DHX32: variants seen among roughly 807,000 people sequenced by gnomAD.
The protein encoded by DHX32 is DEAH-box helicase 32 (putative).
A neutral mutation model predicts 70.0 loss-of-function variants in DHX32; 51 were observed. The ratio of observed to expected loss-of-function variants is 0.73; its 90% confidence interval spans 0.58 to 0.92. The LOEUF is 0.92. DHX32 is among the 40% of genes least tolerant of loss of function. DHX32 has a pLI of 0.00. For synonymous variants in DHX32, 310 were observed against 315.3 expected (o/e 0.98, Z 0.18); for missense variants, 762 against 891.8 (o/e 0.85, Z 1.85).
At chr10:125,851,752 C>A (rs11244672) in intron 6 of DHX32, among the ~76,000 whole-genome samples, 19,278 of 151,868 alleles carry the variant, frequency 0.13, 1,722 homozygotes, top group Admixed American at 0.3. Context: ...AAGAAATCTA[C>A]ATCTACAAAG....
At chr10:125,840,566 A>G (rs2282439) in intron 8 of DHX32, among the ~76,000 whole-genome samples, 33,862 of 152,178 alleles carry the variant, frequency 0.22, 4,605 homozygotes, top group East Asian at 0.34. Context: ...CCCCGTCACC[A>G]TGCCCCAAGC....
At position 125,836,803 on chromosome 10, in the gene DHX32, T is replaced by A; in HGVS notation, c.2116A>T (p.Ser706Cys). The stretch of plus-strand genomic sequence containing the variant: ...ACTACTTGCTGTAGAATGTCCTTAC[T>A]TTCACTAGGAGGCAGATTACTGAAA... ...YYFSNLPPSESKDILQQVVDH... is the reference protein window; with the variant it reads ...YYFSNLPPSECKDILQQVVDH... The change falls in exon 11 of 11, where the codon AGT (serine) becomes TGT (cysteine). Residue 706 changes from serine (S) to cysteine (C), a missense_variant. Ser to Cys is a moderately radical substitution (Grantham distance 112). Transcript: ENST00000284690. 3 of 1,614,170 alleles carry A rather than the reference T, an allele frequency of 1.9e-6. No homozygotes were observed. The highest frequency in any genetic ancestry group is 2.5e-6 in the Non-Finnish European group (3 of 1,180,006).
intron 2 of DHX32, among the ~76,000 whole-genome samples, chr10:125,860,563 G>C (rs571829202): frequency 1.9e-4 from 29 of 152,242 alleles, no homozygotes; most frequent in Admixed American, 1.4e-3. Flanking sequence ...TTTAAGGGCA[G>C]CATGAAAACT....
Position 125,859,902 on chromosome 10 carries a change from AGAT to A in DHX32, c.547_549del (p.Ile183del), listed in dbSNP as rs1564828187. 3.1e-6 allele frequency: 5 copies of A among 1,613,920 alleles called. No individual in the cohort carries two copies. The African/African-American group carries it at 4.0e-5, about 13-fold the overall frequency. Reference sequence around the variant, plus strand: ...ATGCTTCTTTCATGAATATCATCTAAGATGATGACCCCATAGCTACCCAAAAAA... The same window carrying A: ...ATGCTTCTTTCATGAATATCATCTAAGATGACCCCATAGCTACCCAAAAAA... On this transcript the variant is annotated inframe_deletion, in exon 3 of 11. Transcript: ENST00000284690.
chr10:125,877,416 G>A, intron 1 of DHX32, among the ~76,000 whole-genome samples: 1 of 152,268 alleles, frequency 6.6e-6, no homozygotes, highest in Non-Finnish European at 1.5e-5. Flanking sequence ...GGCAGGTACA[G>A]TGGCTCATGT....
intron 2 of DHX32, among the ~76,000 whole-genome samples, chr10:125,863,566 G>C (rs1944202134): frequency 6.6e-6 from 1 of 151,642 alleles, no homozygotes; most frequent in South Asian, 2.1e-4. Context: ...TCCTGCCTCA[G>C]CCTCCTGAGC....
chr10:125,861,503 G>A (rs1039230970), intron 2 of DHX32, among the ~76,000 whole-genome samples: 2 of 152,132 alleles, frequency 1.3e-5, no homozygotes, highest in Admixed American at 6.5e-5. Context: ...CCAGAAAAGA[G>A]TAGTTTGCTG....
intron 1 of DHX32, among the ~76,000 whole-genome samples, chr10:125,892,201 T>C (rs1313011017): frequency 6.6e-6 from 1 of 152,236 alleles, no homozygotes; most frequent in Non-Finnish European, 1.5e-5. Flanking sequence ...TCATCTCCTA[T>C]ATCACCAAGA....
intron 2 of DHX32, among the ~76,000 whole-genome samples, chr10:125,861,485 A>G (rs890646707): frequency 1.3e-5 from 2 of 152,136 alleles, no homozygotes; most frequent in African/African-American, 4.8e-5. Context: ...CGACAGAGCG[A>G]GACTCCCCCA....
intron 1 of DHX32, chr10:125,869,537 C>T (rs2134063675): frequency 6.6e-6 from 1 of 151,866 alleles, no homozygotes; most frequent in African/African-American, 2.4e-5. Context: ...GCTGGCACCA[C>T]TGTACTCCAG....
chr10:125,863,664 T>C lies in DHX32; in HGVS notation c.476+3326A>G, dbSNP rs184528055. 6.6e-5 allele frequency among the ~76,000 whole-genome samples: 10 copies of C among 152,242 alleles called. No homozygotes were observed. The East Asian group carries it at 1.9e-3, about 29-fold the overall frequency. On this transcript the variant is annotated intron_variant, in intron 2 of 10. Coordinates refer to ENST00000284690, the MANE Select transcript of DHX32 (RefSeq NM_018180.3). ...CGGGGTTTCACCATGTTAGCCAGGA[T>C]GGTCCCGATCTCCTGACCTTGGGAT...
intron 3 of DHX32, among the ~76,000 whole-genome samples, chr10:125,856,734 C>T (rs1020496485): frequency 2.6e-5 from 4 of 152,060 alleles, no homozygotes; most frequent in African/African-American, 9.7e-5. Context: ...CTGCTTGAGG[C>T]CAGGAGTTCA....
chr10:125,841,462 C>T (rs2134027238), intron 7 of DHX32: 7 of 1,512,832 alleles, frequency 4.6e-6, no homozygotes, highest in Non-Finnish European at 6.2e-6. Flanking sequence ...TTTTCTTCAT[C>T]TGCACTGATT....
chr10:125,894,100 AT>A (rs376054880), intron 1 of DHX32, among the ~76,000 whole-genome samples: 1 of 120,040 alleles, frequency 8.3e-6, no homozygotes, highest in African/African-American at 3.0e-5. Flanking sequence ...ACTTAAAAAA[AT>A]ATATATAGAA....
rs147649628 is a variant in DHX32 at position 125,859,283 on chromosome 10, T to C, written c.849+320A>G. 7.0e-4 allele frequency among the ~76,000 whole-genome samples: 107 copies of C among 152,230 alleles called. 2 individuals carry two copies. Among genetic ancestry groups the C allele is most frequent in the South Asian group, 3.7e-3 (18 of 4,812 alleles). ...CAGGGGAGTCGGCATGCACCTACTG[T>C]ACCAAGAGACAATTCACAGCAAGCA... On this transcript the variant is annotated intron_variant, in intron 3 of 10. Coordinates refer to ENST00000284690, the MANE Select transcript of DHX32 (RefSeq NM_018180.3).
chr10:125,850,256 G>A (rs1163871140), intron 6 of DHX32, among the ~76,000 whole-genome samples: 1 of 151,474 alleles, frequency 6.6e-6, no homozygotes, highest in Non-Finnish European at 1.5e-5. Context: ...AGGATTACAG[G>A]TGTGAGCCAC....
chr10:125,836,390 G>A lies in DHX32; in HGVS notation c.*297C>T. On this transcript the variant is annotated 3_prime_UTR_variant, in exon 11 of 11. Coordinates refer to ENST00000284690, the MANE Select transcript of DHX32 (RefSeq NM_018180.3). ...ATTAAGTTCCTCTACAAAAAGTAGG[G>A]TTCTGTCCCATGTGTCTCTGACACA... The A allele has an allele frequency of 6.5e-7, 1 of 1,538,998 alleles. No homozygotes were observed. Among genetic ancestry groups the A allele is most frequent in the Non-Finnish European group, 8.7e-7 (1 of 1,146,374 alleles).
intron 1 of DHX32, among the ~76,000 whole-genome samples, chr10:125,870,833 T>C (rs553622320): frequency 2.8e-4 from 43 of 151,978 alleles, no homozygotes; most frequent in African/African-American, 9.7e-4. Flanking sequence ...CGAGACTCTG[T>C]CTCAAAAAAA....
At chr10:125,873,193 T>G (rs548501916) in intron 1 of DHX32, among the ~76,000 whole-genome samples, 1 of 152,344 alleles carries the variant, frequency 6.6e-6, no homozygotes, top group Admixed American at 6.5e-5. Flanking sequence ...GACCTCCACA[T>G]GAGCTACACT....
Sources: gnomAD v4.1 joint callset for allele counts (sites outside exome capture counted in the v4.1 genomes callset) on GRCh38, gnomAD v4.1.1 for gene constraint, MANE v1.5 for transcripts, NCBI Gene and HGNC (gene_info 2026-07-23, HGNC 2026-07-21) for gene names.